Variants in CIITA observed in about 807,000 individuals in gnomAD.
CIITA encodes the protein class II major histocompatibility complex transactivator, also known as MHC class II transactivator.
In CIITA, 72 loss-of-function variants were observed where a neutral mutation model predicts 115.1. That is an observed-to-expected ratio of 0.63 (90% CI 0.52 to 0.76). The LOEUF is 0.76. Ranked by LOEUF, CIITA falls within the 30% of genes least tolerant of loss-of-function variation. The probability of loss-of-function intolerance (pLI) is 0.00; values close to 1 mark genes in which losing one functional copy is unlikely to be tolerated. For missense variants in CIITA, 1,617 were observed against 1,463.8 expected (o/e 1.10, Z -1.71); for synonymous variants, 763 against 635.6 (o/e 1.20, Z -3.02).
chr16:10,918,305 T>C, intron 15 of CIITA, 135 bp from the exon 16 acceptor site: 3 of 843,344 alleles, frequency 3.6e-6, no homozygotes, highest in Non-Finnish European at 6.2e-6. Flanking sequence ...CCTAACAGTA[T>C]CCTCCTATTT....
At position 10,907,956 on chromosome 16, in the gene CIITA, T is replaced by G. The variant is rs2039292268; in HGVS notation, c.2464T>G (p.Trp822Gly). The G allele has an allele frequency of 6.4e-7, 1 of 1,565,058 alleles. No homozygotes were observed. The highest frequency in any genetic ancestry group is 8.6e-7 in the Non-Finnish European group (1 of 1,156,832). The change falls in exon 11 of 20, where the codon TGG becomes GGG. Residue 822 changes from tryptophan to glycine, a missense_variant. By Grantham distance (184) the Trp-to-Gly change is radical. Coordinates refer to ENST00000324288, the MANE Select transcript of CIITA (RefSeq NM_000246.4). This position sits in a 1 kb window ranked among gnomAD's most constrained non-coding sequence, Gnocchi z 5.0. ...CCACGAGGCCGAGGAGGCTGGAATTTGGCAGCACGTGGTACAGGAGCTCCC... is the reference window on the plus strand; with the variant it reads ...CCACGAGGCCGAGGAGGCTGGAATTGGGCAGCACGTGGTACAGGAGCTCCC... The part of the protein sequence containing the change: ...CAHEAEEAGI[W>G]QHVVQELPGR...
At chr16:10,899,884 T>A (rs779435057) in intron 5 of CIITA, among the ~76,000 whole-genome samples, 14 of 152,036 alleles carry the variant, frequency 9.2e-5, no homozygotes, top group East Asian at 1.9e-4. Flanking sequence ...GTTTGATACC[T>A]GCCTGGCCAA....
chr16:10,898,946 T>A lies in CIITA; in HGVS notation c.380T>A (p.Val127Glu). The change falls in exon 5 of 20, where the codon GTG (valine) becomes GAG (glutamate). Residue 127 changes from valine to glutamate, a missense_variant. Val to Glu is a moderately radical substitution (Grantham distance 121). Coordinates refer to ENST00000324288, the MANE Select transcript of CIITA (RefSeq NM_000246.4). Reference protein sequence around the residue: ...DIFKHIGPDEVIGESMEMPAE... With the variant: ...DIFKHIGPDEEIGESMEMPAE... ...GTAGAGCACATAGGACCAGATGAAG[T>A]GATCGGTGAGAGTATGGAGATGCCA... The A allele has an allele frequency of 6.2e-7, 1 of 1,613,894 alleles. No homozygotes were observed. The highest frequency in any genetic ancestry group is 8.5e-7 in the Non-Finnish European group (1 of 1,179,954).
At chr16:10,884,590 T>C (rs1227315649) in intron 1 of CIITA, among the ~76,000 whole-genome samples, 1 of 152,028 alleles carries the variant, frequency 6.6e-6, no homozygotes, top group Non-Finnish European at 1.5e-5. Flanking sequence ...AATTTTTGTA[T>C]CTTTTATTTC....
Position 10,907,016 on chromosome 16 carries a change from T to A in CIITA, c.1524T>A (p.Asp508Glu). The part of the protein sequence containing the change: ...LDGFEELEAQ[D>E]GFLHSTCGPA... Reference sequence around the variant, plus strand: ...GCTTCGAGGAGCTGGAAGCGCAAGATGGCTTCCTGCACAGCACGTGCGGAC... The same window carrying A: ...GCTTCGAGGAGCTGGAAGCGCAAGAAGGCTTCCTGCACAGCACGTGCGGAC... Residue 508 changes from aspartate (D) to glutamate (E), a missense_variant, in exon 11 of 20, where the codon GAT becomes GAA. Asp to Glu is a conservative substitution (Grantham distance 45). Transcript: ENST00000324288. This position sits in a 1 kb window ranked among gnomAD's most constrained non-coding sequence, Gnocchi z 5.0. 1 of 1,609,338 alleles carries A rather than the reference T, an allele frequency of 6.2e-7. No individual in the cohort carries two copies. Among genetic ancestry groups the A allele is most frequent in the Non-Finnish European group, 8.5e-7 (1 of 1,179,848 alleles).
chr16:10,934,546 TC>T lies in CIITA; in HGVS notation c.*10692del. ...GCAGACCACCTCACTGGGGGAAACA[TC>T]AGGACAGCGTGGCCAGGAGCCCAAT... On this transcript the variant is annotated 3_prime_UTR_variant, in exon 20 of 20. Transcript: ENST00000324288. The surrounding 1 kb of genome is among the most constrained non-coding windows in gnomAD (Gnocchi z 4.2). 1 of 152,282 alleles carries T rather than the reference TC, an allele frequency of 6.6e-6. No individual in the cohort carries two copies. Among genetic ancestry groups the T allele is most frequent in the Admixed American group, 6.5e-5 (1 of 15,294 alleles). 9.4% of individuals were successfully genotyped at this position (152,282 alleles called of 1,614,324 possible).
At chr16:10,876,733 G>C (rs148813033), upstream of CIITA, among the ~76,000 whole-genome samples, 3 of 152,304 alleles carry the variant, frequency 2.0e-5, no homozygotes, top group East Asian at 3.9e-4. Flanking sequence ...TGACAGGTGG[G>C]CCACTTATGA....
rs2040610015 is a variant in CIITA, at chr16:10,928,132, T to G, written c.*4277T>G. On this transcript the variant is annotated 3_prime_UTR_variant, in exon 20 of 20. Transcript: ENST00000324288. The stretch of plus-strand genomic sequence containing the variant: ...CTCCAACTGTCTCCCCCCAGAGTTC[T>G]GCCGCCTGTACTCTCCCACACCTCA... 1 of 152,240 alleles carries G rather than the reference T, an allele frequency of 6.6e-6. No homozygotes were observed. Among genetic ancestry groups the G allele is most frequent in the African/African-American group, 2.4e-5 (1 of 41,454 alleles). The allele number at this position is 152,240 out of a possible 1,614,324, so 9.4% of individuals were successfully genotyped here.
chr16:10,879,316 G>A lies in CIITA; in HGVS notation c.52+1934G>A, dbSNP rs756009901. 2.0e-5 allele frequency among the ~76,000 whole-genome samples: 3 copies of A among 152,170 alleles called. No homozygotes were observed. Among genetic ancestry groups the A allele is most frequent in the African/African-American group, 7.2e-5 (3 of 41,446 alleles). On this transcript the variant is annotated intron_variant, in intron 1 of 19. Coordinates refer to ENST00000324288, the MANE Select transcript of CIITA (RefSeq NM_000246.4). This position sits in a 1 kb window ranked among gnomAD's most constrained non-coding sequence, Gnocchi z 4.3. Reference sequence around the variant, plus strand: ...GGAAAGCCTGGCGGCAGCTTCTGCAGAGAAGCCGGAGCGCAGACTGGGAGC... The same window carrying A: ...GGAAAGCCTGGCGGCAGCTTCTGCAAAGAAGCCGGAGCGCAGACTGGGAGC...
At position 10,935,333 on chromosome 16, in the gene CIITA, G is replaced by A. The variant is rs1191388160; in HGVS notation, c.*11478G>A. 6.6e-6 allele frequency: 1 copy of A among 152,224 alleles called. No individual in the cohort carries two copies. The highest frequency in any genetic ancestry group is 1.5e-5 in the Non-Finnish European group (1 of 68,050). 9.4% of individuals were successfully genotyped at this position (152,224 alleles called of 1,614,324 possible). A position where few individuals can be genotyped will look rare whatever the true frequency, so the allele number is the denominator to read the frequency against. On this transcript the variant is annotated 3_prime_UTR_variant, in exon 20 of 20. Coordinates refer to ENST00000324288, the MANE Select transcript of CIITA (RefSeq NM_000246.4). Reference sequence around the variant, plus strand: ...TTTAGAGGAGAAAGTTCAGTTTGGTGCTGGTATATCTTATGTTTATCACCC... The same window carrying A: ...TTTAGAGGAGAAAGTTCAGTTTGGTACTGGTATATCTTATGTTTATCACCC...
At chr16:10,922,973 A>C in intron 18 of CIITA, 1 of 564,504 alleles carries the variant, frequency 1.8e-6, no homozygotes. Flanking sequence ...TTTACAGATG[A>C]GGAAAATAAA....
intron 2 of CIITA, 38 bp from the exon 3 acceptor site, chr16:10,895,631 G>T: frequency 6.2e-7 from 1 of 1,613,168 alleles, no homozygotes; most frequent in Non-Finnish European, 8.5e-7. Context: ...CCTCTTTCCA[G>T]AAATTTCCTT....
intron 1 of CIITA, among the ~76,000 whole-genome samples, chr16:10,867,812 G>A (rs2143162178): frequency 6.6e-6 from 1 of 152,256 alleles, no homozygotes; most frequent in African/African-American, 2.4e-5. Context: ...CTGGAGTGTA[G>A]TCGCATGATC....
At chr16:10,885,873 C>T (rs562918778) in intron 1 of CIITA, among the ~76,000 whole-genome samples, 2 of 152,228 alleles carry the variant, frequency 1.3e-5, no homozygotes, top group Non-Finnish European at 2.9e-5. Context: ...TTCTTTTCAA[C>T]CCCTGGGCCT....
intron 13 of CIITA, among the ~76,000 whole-genome samples, chr16:10,912,511 G>A (rs1029438967): frequency 2.6e-5 from 4 of 152,164 alleles, no homozygotes; most frequent in East Asian, 1.9e-4. Flanking sequence ...ATGAGGAGAC[G>A]GAGGCCTGGT....
At chr16:10,939,625 A>G (rs2041074095), downstream of CIITA, 1 of 152,230 alleles carries the variant, frequency 6.6e-6, no homozygotes, top group Non-Finnish European at 1.5e-5. The surrounding 1 kb of genome is among the most constrained non-coding windows in gnomAD (Gnocchi z 4.9). Context: ...ATCTCCTTAG[A>G]GAGGCTTTCT....
At position 10,918,500 on chromosome 16, in the gene CIITA, G is replaced by T. The variant is rs138925894; in HGVS notation, c.3123G>T (p.Ser1041=). 1.8e-5 allele frequency: 29 copies of T among 1,614,050 alleles called. No homozygotes were observed. The highest frequency in any genetic ancestry group is 2.3e-5 in the Non-Finnish European group (27 of 1,179,992). ...ACAAACTCGCCGAGGCCCTGCCTTCGCTCGCTGCATCCCTGCTCAGGCTAA... is the reference window on the plus strand; with the variant it reads ...ACAAACTCGCCGAGGCCCTGCCTTCTCTCGCTGCATCCCTGCTCAGGCTAA... ...GAYKLAEALP[S]LAASLLRLSL... Residue 1041 remains serine (S), a synonymous_variant, in exon 16 of 20, where the codon TCG becomes TCT. Coordinates refer to ENST00000324288, the MANE Select transcript of CIITA (RefSeq NM_000246.4).
intron 16 of CIITA, 75 bp from the exon 17 acceptor site, chr16:10,922,092 C>A: frequency 7.6e-7 from 1 of 1,316,838 alleles, no homozygotes; most frequent in Non-Finnish European, 1.1e-6. Flanking sequence ...TTTCTGGAAT[C>A]TAGGGATGGT....
At chr16:10,893,478 G>A (rs868543825) in intron 1 of CIITA, among the ~76,000 whole-genome samples, 4 of 152,164 alleles carry the variant, frequency 2.6e-5, no homozygotes, top group Middle Eastern at 3.4e-3. Context: ...TACTTCCTAG[G>A]TTTTAACAGC....
Sources: allele counts gnomAD v4.1 joint callset (sites outside exome capture counted in the v4.1 genomes callset), GRCh38; gene constraint gnomAD v4.1.1; non-coding constraint Gnocchi (gnomAD v3.1); transcripts MANE v1.5; gene names NCBI Gene and HGNC (gene_info 2026-07-23, HGNC 2026-07-21).